Variants in SNPH observed in about 807,000 individuals in gnomAD.
SNPH encodes syntaphilin.
Under a neutral mutation model 36.8 loss-of-function variants are expected in SNPH, and 10 were observed. The ratio of observed to expected loss-of-function variants is 0.27; its 90% CI spans 0.17 to 0.46. The LOEUF (loss-of-function observed/expected upper bound fraction) is 0.46. Among genes scored for constraint, SNPH ranks in the 20% least tolerant of loss-of-function variants. The pLI is 1.00. For synonymous variants in SNPH, 281 were observed against 312.2 expected, an observed-to-expected ratio of 0.90 and a Z score of 1.05; for missense variants, 622 against 744.0, an observed-to-expected ratio of 0.84 and a Z score of 1.91.
chr20:1,288,135 A>C (rs1209971985), intron 2 of SNPH, among the ~76,000 whole-genome samples: 1 of 152,256 alleles, frequency 6.6e-6, no homozygotes, highest in African/African-American at 2.4e-5. Flanking sequence ...CAGTCATTTC[A>C]GAGTCACTCA....
chr20:1,300,470 T>G, intron 5 of SNPH, 92 bp from the exon 6 acceptor site: 138 of 1,394,508 alleles, frequency 9.9e-5, no homozygotes, highest in Non-Finnish European at 1.3e-4. Flanking sequence ...CCAGGGATGG[T>G]GAGGCTGGTG....
At chr20:1,291,918 T>C (rs1311274162) in intron 2 of SNPH, among the ~76,000 whole-genome samples, 1 of 152,158 alleles carries the variant, frequency 6.6e-6, no homozygotes, top group Non-Finnish European at 1.5e-5. Flanking sequence ...TAATTTTACA[T>C]ATGTGGAAAC....
At chr20:1,287,034 C>G (rs555855704) in intron 2 of SNPH, among the ~76,000 whole-genome samples, 2 of 152,160 alleles carry the variant, frequency 1.3e-5, no homozygotes, top group African/African-American at 2.4e-5. Flanking sequence ...CCCAGTGGAC[C>G]ATCATCTTGC....
At chr20:1,278,405 T>G (rs1360430735) in intron 2 of SNPH, among the ~76,000 whole-genome samples, 1 of 152,214 alleles carries the variant, frequency 6.6e-6, no homozygotes, top group African/African-American at 2.4e-5. Context: ...ATATACAAGC[T>G]TCACATATCT....
intron 2 of SNPH, among the ~76,000 whole-genome samples, chr20:1,267,320 G>T (rs971510008): frequency 2.0e-5 from 3 of 152,160 alleles, no homozygotes; most frequent in Non-Finnish European, 4.4e-5. Context: ...CTCCCCAGCC[G>T]GGATCTGGGC....
At chr20:1,274,814 A>G (rs1406089434) in intron 2 of SNPH, among the ~76,000 whole-genome samples, 1 of 152,132 alleles carries the variant, frequency 6.6e-6, no homozygotes, top group East Asian at 1.9e-4. Flanking sequence ...AAGCAGAGGT[A>G]CAGTAAATCC....
Position 1,280,544 on chromosome 20 carries a change from G to A in SNPH, c.-493+13784G>A, listed in dbSNP as rs546455040. Among the ~76,000 whole-genome samples, 11 of 152,346 alleles carry A rather than the reference G, an allele frequency of 7.2e-5. No individual in the cohort carries two copies. In the South Asian group the frequency reaches 1.7e-3, roughly 23 times the overall value. On this transcript the variant is annotated intron_variant, in intron 2 of 6. Coordinates refer to ENST00000381867, the MANE Select transcript of SNPH (RefSeq NM_001318234.2). ...CGGGTTGTCACAACTGCTGTATGAG[G>A]TGGGATGTGTTATCTCCACTTTATA...
chr20:1,298,571 A>G (rs1320816004), intron 5 of SNPH, among the ~76,000 whole-genome samples: 1 of 152,198 alleles, frequency 6.6e-6, no homozygotes, highest in African/African-American at 2.4e-5. Context: ...GGCAACTTTA[A>G]TCTTTTCTAT....
rs1443417505 is a variant in SNPH, at chr20:1,285,024, G to C, written c.-492-9927G>C. 1.3e-5 allele frequency among the ~76,000 whole-genome samples: 2 copies of C among 152,142 alleles called. No homozygotes were observed. Among genetic ancestry groups the C allele is most frequent in the Admixed American group, 1.3e-4 (2 of 15,278 alleles). On this transcript the variant is annotated intron_variant, in intron 2 of 6. Transcript: ENST00000381867. This position sits in a 1 kb window ranked among gnomAD's most constrained non-coding sequence, Gnocchi z 4.9. ...GATGGAGCAGTGAAGATGCCGAAAG[G>C]TGTCAGATTCTGTGACTGTGTCGCC...
intron 2 of SNPH, among the ~76,000 whole-genome samples, chr20:1,274,246 C>G (rs894158075): frequency 6.6e-6 from 1 of 152,046 alleles, no homozygotes; most frequent in South Asian, 2.1e-4. Context: ...AAAGTGCAGG[C>G]ATGGGAGAGA....
chr20:1,298,424 G>T (rs1366998406), intron 5 of SNPH, among the ~76,000 whole-genome samples: 1 of 152,194 alleles, frequency 6.6e-6, no homozygotes, highest in African/African-American at 2.4e-5. Context: ...GCAGCTGTTA[G>T]ATTTCTATCG....
Position 1,304,495 on chromosome 20 carries a change from G to A in SNPH, c.441-383G>A, listed in dbSNP as rs1227768386. The stretch of plus-strand genomic sequence containing the variant: ...TTGTTTCACATTAAGATTTTATTAG[G>A]TTTTTATAGCAGTAGCTATAAAACT... On this transcript the variant is annotated intron_variant, in intron 6 of 6. Coordinates refer to ENST00000381867, the MANE Select transcript of SNPH (RefSeq NM_001318234.2). This position sits in a 1 kb window ranked among gnomAD's most constrained non-coding sequence, Gnocchi z 4.3. 1.3e-5 allele frequency among the ~76,000 whole-genome samples: 2 copies of A among 149,552 alleles called. No homozygotes were observed. The highest frequency in any genetic ancestry group is 3.0e-5 in the Non-Finnish European group (2 of 67,628).
intron 2 of SNPH, among the ~76,000 whole-genome samples, chr20:1,272,588 C>T (rs114897664): frequency 0.014 from 2,102 of 152,310 alleles, 41 homozygotes; most frequent in African/African-American, 0.048. Context: ...TTTTTAAATG[C>T]ACATATTAAA....
Position 1,304,157 on chromosome 20 carries a change from G to A in SNPH, c.441-721G>A, listed in dbSNP as rs1477871392. ...TCAGGAGTAACTCTATGCCTTTCTC[G>A]TTGATCTTTTCAGCTTTTCCTCTTT... is the stretch of plus-strand genomic sequence containing the variant. On this transcript the variant is annotated intron_variant, in intron 6 of 6. Transcript: ENST00000381867. The surrounding 1 kb of genome is among the most constrained non-coding windows in gnomAD (Gnocchi z 4.3). 6.6e-6 allele frequency among the ~76,000 whole-genome samples: 1 copy of A among 152,082 alleles called. No individual in the cohort carries two copies. The highest frequency in any genetic ancestry group is 1.5e-5 in the Non-Finnish European group (1 of 68,022).
At chr20:1,270,163 C>T (rs543954677) in intron 2 of SNPH, among the ~76,000 whole-genome samples, 1 of 152,206 alleles carries the variant, frequency 6.6e-6, no homozygotes, top group Non-Finnish European at 1.5e-5. Flanking sequence ...GGAGGGGATT[C>T]CTTAACTTGC....
chr20:1,275,394 C>G (rs979050501), intron 2 of SNPH, among the ~76,000 whole-genome samples: 8 of 152,212 alleles, frequency 5.3e-5, no homozygotes, highest in Non-Finnish European at 8.8e-5. Context: ...TTCTGACCCT[C>G]TAAGTCCCGA....
At chr20:1,290,277 A>G (rs2088343300) in intron 2 of SNPH, among the ~76,000 whole-genome samples, 1 of 152,226 alleles carries the variant, frequency 6.6e-6, no homozygotes, top group African/African-American at 2.4e-5. Context: ...ACAAAATTAT[A>G]TAACCATCAC....
At chr20:1,296,847 C>A (rs1252866901) in intron 4 of SNPH, among the ~76,000 whole-genome samples, 1 of 152,220 alleles carries the variant, frequency 6.6e-6, no homozygotes, top group Non-Finnish European at 1.5e-5. Flanking sequence ...TTGGGGAACC[C>A]CAGAAGTTGA....
intron 2 of SNPH, among the ~76,000 whole-genome samples, chr20:1,277,624 C>CTGTGTG (rs59375718): frequency 8.1e-6 from 1 of 123,392 alleles, no homozygotes; most frequent in Admixed American, 8.4e-5. Flanking sequence ...GTATGTGTGC[C>CTGTGTG]TGTGTGTGTG....
Sources: gnomAD v4.1 joint callset for allele counts (sites outside exome capture counted in the v4.1 genomes callset) on GRCh38, gnomAD v4.1.1 for gene constraint, Gnocchi (gnomAD v3.1) non-coding constraint, MANE v1.5 for transcripts, NCBI Gene and HGNC (gene_info 2026-07-23, HGNC 2026-07-21) for gene names.